Variants in CNTNAP5 observed in about 807,000 individuals in gnomAD.
CNTNAP5 encodes contactin-associated protein-like 5.
CNTNAP5 carries 72 observed loss-of-function variants against 150.2 expected under a neutral mutation model. The ratio of observed to expected loss-of-function variants is 0.48; its 90% CI spans 0.40 to 0.58. The LOEUF is 0.58. Among genes scored for constraint, CNTNAP5 ranks in the 20% least tolerant of loss-of-function variants. The probability of loss-of-function intolerance (pLI) is 0.00; values close to 1 mark genes in which losing one functional copy is unlikely to be tolerated. For synonymous variants in CNTNAP5, 672 were observed against 619.8 expected, an observed-to-expected ratio of 1.08 and a Z score of -1.25; for missense variants, 1,636 against 1,626.2, an observed-to-expected ratio of 1.01 and a Z score of -0.10.
chr2:124,914,558 CAT>C lies in CNTNAP5; in HGVS notation c.*271_*272del, dbSNP rs1214232449. On this transcript the variant is annotated 3_prime_UTR_variant, in exon 24 of 24. Transcript: ENST00000682447. ...CGCCATTCAAGACAAGGAAGAGACA[CAT>C]GTGTGCACTCCTGCATGTTCAGTTC... is the stretch of plus-strand genomic sequence containing the variant. 1.5e-5 allele frequency: 6 copies of C among 405,948 alleles called. No individual in the cohort carries two copies. Among genetic ancestry groups the C allele is most frequent in the Admixed American group, 7.9e-5 (2 of 25,218 alleles). The allele number at this position is 405,948 out of a possible 1,614,324, so 25.1% of individuals were successfully genotyped here.
chr2:124,618,808 G>T (rs1337282957), intron 12 of CNTNAP5, among the ~76,000 whole-genome samples: 1 of 152,098 alleles, frequency 6.6e-6, no homozygotes, highest in African/African-American at 2.4e-5. Flanking sequence ...TAAGGATGGT[G>T]GTGAGGGTAG....
intron 3 of CNTNAP5, among the ~76,000 whole-genome samples, chr2:124,253,878 G>A (rs1407599777): frequency 6.6e-6 from 1 of 151,770 alleles, no homozygotes; most frequent in Non-Finnish European, 1.5e-5. Context: ...GGATTTTTAA[G>A]TCACACTAGA....
rs549911410 is a variant in CNTNAP5, at chr2:124,394,100, G to A, written c.382-23343G>A. ...AATAAAAGGTGAATAAGCTGGGCAC[G>A]GTGGCTCGCAGTTGTAATCCCAGCA... On this transcript the variant is annotated intron_variant, in intron 3 of 23. Coordinates refer to ENST00000682447, the MANE Select transcript of CNTNAP5 (RefSeq NM_001367498.1). Among the ~76,000 whole-genome samples the A allele has an allele frequency of 9.2e-5, 14 of 152,158 alleles. No individual in the cohort carries two copies. In the East Asian group the frequency reaches 1.6e-3, roughly 17 times the overall value.
intron 3 of CNTNAP5, among the ~76,000 whole-genome samples, chr2:124,268,085 A>C (rs1687658341): frequency 6.6e-6 from 1 of 152,176 alleles, no homozygotes. Flanking sequence ...GTGTGAACTC[A>C]GGGCTATCTT....
chr2:124,524,202 C>G (rs1177279584), intron 8 of CNTNAP5, 101 bp from the exon 9 acceptor site: 1 of 1,238,542 alleles, frequency 8.1e-7, no homozygotes, highest in Non-Finnish European at 1.2e-6. Flanking sequence ...TGGGTTTGCT[C>G]TGAGAATGGC....
At chr2:124,300,958 A>G (rs1317140140) in intron 3 of CNTNAP5, among the ~76,000 whole-genome samples, 2 of 152,192 alleles carry the variant, frequency 1.3e-5, no homozygotes, top group Non-Finnish European at 2.9e-5. Context: ...AGAAAAATAT[A>G]TCCTCAAATA....
In CNTNAP5 at chr2:124,761,135, G is replaced by A. The variant is rs534248717; in HGVS notation, c.2235-2537G>A. On this transcript the variant is annotated intron_variant, in intron 14 of 23. Transcript: ENST00000682447. ...GCATGAAGAAAGCAAATCTACAGCT[G>A]TAGACTCCTTGCCTATCAATAGGTA... 3.9e-5 allele frequency among the ~76,000 whole-genome samples: 6 copies of A among 152,226 alleles called. No homozygotes were observed. In the East Asian group the frequency reaches 1.2e-3, roughly 29 times the overall value.
At chr2:124,195,792 A>G (rs1183494895) in intron 1 of CNTNAP5, among the ~76,000 whole-genome samples, 5 of 152,142 alleles carry the variant, frequency 3.3e-5, no homozygotes, top group Non-Finnish European at 7.3e-5. Flanking sequence ...GGATTGTCCT[A>G]ACTCAAGATT....
At chr2:124,887,059 T>C (rs1268231151) in intron 21 of CNTNAP5, among the ~76,000 whole-genome samples, 1 of 152,076 alleles carries the variant, frequency 6.6e-6, no homozygotes. Flanking sequence ...CCAACTTCCA[T>C]TGTAGTCTGG....
chr2:124,408,967 C>G (rs1332687081), intron 3 of CNTNAP5, among the ~76,000 whole-genome samples: 3 of 149,022 alleles, frequency 2.0e-5, no homozygotes, highest in Non-Finnish European at 3.0e-5. Context: ...AAACCAAAGG[C>G]AAAGAAGTTG....
intron 3 of CNTNAP5, among the ~76,000 whole-genome samples, chr2:124,392,884 A>C (rs568449339): frequency 6.6e-6 from 1 of 152,344 alleles, no homozygotes; most frequent in South Asian, 2.1e-4. Context: ...TTTAACACTC[A>C]TCAAAACTCT....
chr2:124,409,955 C>G (rs1316156521), intron 3 of CNTNAP5, among the ~76,000 whole-genome samples: 1 of 150,444 alleles, frequency 6.6e-6, no homozygotes, highest in African/African-American at 2.4e-5. Context: ...GAGTCAAGAG[C>G]TGTATTCAGT....
rs1204132787 is a variant in CNTNAP5, at chr2:124,786,441, AGG to A, written c.2753-3460_2753-3459del. 5.2e-3 allele frequency among the ~76,000 whole-genome samples: 603 copies of A among 114,964 alleles called. 6 individuals carry two copies. The highest frequency in any genetic ancestry group is 8.5e-3 in the Non-Finnish European group (458 of 54,052). The allele number at this position is 114,964 out of a possible 152,430, so 75.4% of individuals were successfully genotyped here. A position where few individuals can be genotyped will look rare whatever the true frequency, so the allele number is the denominator to read the frequency against. ...AAGGAAGGAAGGAAGGAAGGAAGGA[AGG>A]AAGGAAAGAAAGAAAGAAAGAAAGG... On this transcript the variant is annotated intron_variant, in intron 17 of 23. Transcript: ENST00000682447.
chr2:124,759,353 T>C (rs1680906966), intron 14 of CNTNAP5, among the ~76,000 whole-genome samples: 1 of 147,202 alleles, frequency 6.8e-6, no homozygotes, highest in Non-Finnish European at 1.5e-5. Context: ...ATACATTATA[T>C]ATATATTCAT....
chr2:124,533,827 A>C (rs1480278708), intron 10 of CNTNAP5, among the ~76,000 whole-genome samples: 3 of 152,156 alleles, frequency 2.0e-5, no homozygotes, highest in Non-Finnish European at 4.4e-5. Context: ...CGGCTGGAGG[A>C]AAGTGTGGTT....
At chr2:124,676,550 T>C (rs992632049) in intron 13 of CNTNAP5, among the ~76,000 whole-genome samples, 1 of 152,224 alleles carries the variant, frequency 6.6e-6, no homozygotes, top group African/African-American at 2.4e-5. Context: ...TGGACTGATA[T>C]CTGAGTGAGA....
intron 3 of CNTNAP5, among the ~76,000 whole-genome samples, chr2:124,378,904 A>G (rs995136833): frequency 2.0e-5 from 3 of 152,202 alleles, no homozygotes; most frequent in African/African-American, 7.2e-5. Flanking sequence ...CACTTTGCAT[A>G]TGAATTACCT....
chr2:124,326,777 A>G (rs990922475), intron 3 of CNTNAP5, among the ~76,000 whole-genome samples: 1 of 151,904 alleles, frequency 6.6e-6, no homozygotes. Flanking sequence ...AAATAAATAT[A>G]CAACTATAAA....
At chr2:124,592,938 ATGTT>A (rs767642578) in intron 11 of CNTNAP5, among the ~76,000 whole-genome samples, 83 of 151,918 alleles carry the variant, frequency 5.5e-4, no homozygotes, top group East Asian at 7.7e-4. Flanking sequence ...CCATTCAAAA[ATGTT>A]TGTTTATTTT....
Sources: allele counts gnomAD v4.1 joint callset (sites outside exome capture counted in the v4.1 genomes callset), GRCh38; gene constraint gnomAD v4.1.1; transcripts MANE v1.5; gene names NCBI Gene and HGNC (gene_info 2026-07-23, HGNC 2026-07-21).